Variants in PCSK6 observed in about 807,000 individuals in gnomAD.
PCSK6 encodes proprotein convertase subtilisin/kexin type 6.
Under a neutral mutation model 123.3 loss-of-function variants are expected in PCSK6, and 85 were observed. That is an observed-to-expected ratio of 0.69 (90% CI 0.58 to 0.83). PCSK6 has a LOEUF of 0.83. PCSK6 is among the 40% of genes least tolerant of loss of function. The pLI, the probability that PCSK6 is intolerant of heterozygous loss-of-function variation, is 0.00. For synonymous variants in PCSK6, 508 were observed against 516.0 expected (o/e 0.98, Z 0.21); for missense variants, 1,191 against 1,282.3 (o/e 0.93, Z 1.09).
intron 6 of PCSK6, among the ~76,000 whole-genome samples, chr15:101,423,191 A>G (rs952203941): frequency 1.3e-5 from 2 of 152,186 alleles, no homozygotes; most frequent in African/African-American, 4.8e-5. Context: ...ATGGAGACAC[A>G]TGAGGGATTC....
chr15:101,459,449 CCT>C (rs2057279314), intron 1 of PCSK6, among the ~76,000 whole-genome samples: 1 of 129,876 alleles, frequency 7.7e-6, no homozygotes. Flanking sequence ...GTCCACATCA[CCT>C]GCTGCCACCA....
intron 1 of PCSK6, among the ~76,000 whole-genome samples, chr15:101,475,710 C>T (rs1264651830): frequency 7.0e-6 from 1 of 143,182 alleles, no homozygotes; most frequent in African/African-American, 2.6e-5. Flanking sequence ...AGGCTGGTCT[C>T]GAACTCCTGG....
chr15:101,469,971 AAT>A (rs2057565488), intron 1 of PCSK6, among the ~76,000 whole-genome samples: 1 of 152,180 alleles, frequency 6.6e-6, no homozygotes, highest in African/African-American at 2.4e-5. Flanking sequence ...TGATGATATC[AAT>A]ATGACTGGCA....
At chr15:101,412,812 A>G (rs2055743188) in intron 6 of PCSK6, among the ~76,000 whole-genome samples, 1 of 151,720 alleles carries the variant, frequency 6.6e-6, no homozygotes, top group African/African-American at 2.4e-5. Flanking sequence ...ACTTCATGTC[A>G]CTAGAGTGGA....
Position 101,362,128 on chromosome 15 carries a change from T to A in PCSK6, c.1858+4068A>T, listed in dbSNP as rs2041244700. On this transcript the variant is annotated intron_variant, in intron 13 of 21. Coordinates refer to ENST00000611716, the MANE Select transcript of PCSK6 (RefSeq NM_002570.5). Reference sequence around the variant, plus strand: ...CCCGCCACCATGCCTGGTTAACTTTTTGTATTGTTAGTAGAGATGGGGTTT... The same window carrying A: ...CCCGCCACCATGCCTGGTTAACTTTATGTATTGTTAGTAGAGATGGGGTTT... Among the ~76,000 whole-genome samples the A allele has an allele frequency of 2.6e-5, 4 of 151,964 alleles. No individual in the cohort carries two copies. In the South Asian group the frequency reaches 8.3e-4, roughly 32 times the overall value.
chr15:101,365,699 T>A (rs138895970), intron 13 of PCSK6: 2 of 153,490 alleles, frequency 1.3e-5, no homozygotes, highest in Non-Finnish European at 2.9e-5. Context: ...ATGTGATCAA[T>A]CCGTACAATG....
chr15:101,427,006 GC>G (rs756038922), intron 6 of PCSK6, among the ~76,000 whole-genome samples: 45 of 152,208 alleles, frequency 3.0e-4, no homozygotes, highest in Non-Finnish European at 4.7e-4. Flanking sequence ...CCTCTCTGCT[GC>G]CCCCACTTGC....
chr15:101,489,437 CACTTGCACCGCCCAGT>C lies in PCSK6; in HGVS notation c.218_233del (p.His73ArgfsTer43). The C allele has an allele frequency of 1.6e-6, 2 of 1,255,966 alleles. No individual in the cohort carries two copies. The highest frequency in any genetic ancestry group is 2.0e-6 in the Non-Finnish European group (2 of 988,448). The allele number at this position is 1,255,966 out of a possible 1,614,324, so 77.8% of individuals were successfully genotyped here. On this transcript the variant is annotated frameshift_variant, in exon 1 of 22. Transcript: ENST00000611716. LOFTEE classifies it high-confidence loss of function. Reference sequence around the variant, plus strand: ...GGTCCGCCTCGGCCGGGCCGCCCAGCACTTGCACCGCCCAGTGGTTGGTGTAGACGGGGCGCGGCGG... The same window carrying C: ...GGTCCGCCTCGGCCGGGCCGCCCAGCGGTTGGTGTAGACGGGGCGCGGCGG...
chr15:101,404,456 G>A (rs1293706139), intron 6 of PCSK6, among the ~76,000 whole-genome samples: 1 of 152,158 alleles, frequency 6.6e-6, no homozygotes, highest in Non-Finnish European at 1.5e-5. Context: ...AGGGACACTG[G>A]GCCCAAGTGT....
chr15:101,371,153 G>C (rs2041575315), intron 11 of PCSK6, among the ~76,000 whole-genome samples: 1 of 152,172 alleles, frequency 6.6e-6, no homozygotes, highest in Non-Finnish European at 1.5e-5. Flanking sequence ...GTTGCAGCGA[G>C]CCGAGGTCGC....
chr15:101,458,513 G>C (rs1324808028), intron 1 of PCSK6, among the ~76,000 whole-genome samples: 3 of 152,064 alleles, frequency 2.0e-5, no homozygotes, highest in Non-Finnish European at 4.4e-5. Context: ...CTCCAGCAAG[G>C]CTCCTGACTG....
intron 20 of PCSK6, chr15:101,307,620 A>G: frequency 2.9e-6 from 1 of 339,184 alleles, no homozygotes; most frequent in Non-Finnish European, 5.6e-6. Context: ...TCACCTGGAC[A>G]CCCTCCTGGG....
At chr15:101,437,316 C>T (rs1450847803) in intron 2 of PCSK6, among the ~76,000 whole-genome samples, 6 of 152,250 alleles carry the variant, frequency 3.9e-5, no homozygotes, top group Non-Finnish European at 8.8e-5. Context: ...CCCAGGCCCA[C>T]CTCCGGCGCA....
At chr15:101,377,670 A>C (rs28539689) in intron 11 of PCSK6, among the ~76,000 whole-genome samples, 2,287 of 152,374 alleles carry the variant, frequency 0.015, 72 homozygotes, top group African/African-American at 0.052. Flanking sequence ...CGCCATACGC[A>C]GTCTAGTTTC....
intron 6 of PCSK6, among the ~76,000 whole-genome samples, chr15:101,421,075 T>C (rs1198298285): frequency 6.6e-6 from 1 of 152,342 alleles, no homozygotes; most frequent in East Asian, 1.9e-4. Flanking sequence ...GCCTCCCAAG[T>C]AGCTGGGACT....
At chr15:101,470,940 C>T (rs1042420181) in intron 1 of PCSK6, among the ~76,000 whole-genome samples, 1 of 152,216 alleles carries the variant, frequency 6.6e-6, no homozygotes, top group Non-Finnish European at 1.5e-5. Flanking sequence ...AGAAACACTG[C>T]GGAGCAAGAC....
intron 13 of PCSK6, 38 bp downstream of exon 13, chr15:101,366,158 A>G: frequency 6.3e-7 from 1 of 1,587,322 alleles, no homozygotes; most frequent in East Asian, 2.3e-5. Flanking sequence ...GAGGCTTGAG[A>G]TACAAAAGCT....
At chr15:101,331,511 G>T in intron 15 of PCSK6, 140 bp downstream of exon 15, 3 of 737,286 alleles carry the variant, frequency 4.1e-6, no homozygotes, top group Non-Finnish European at 7.3e-6. Flanking sequence ...TGAGCTGTGA[G>T]ATGGGGGCCT....
intron 9 of PCSK6, among the ~76,000 whole-genome samples, chr15:101,386,783 T>C (rs1195902828): frequency 2.0e-5 from 3 of 152,260 alleles, no homozygotes; most frequent in African/African-American, 7.2e-5. Context: ...TTGTGAACCA[T>C]GCTGCCATGA....
Sources: allele counts gnomAD v4.1 joint callset (sites outside exome capture counted in the v4.1 genomes callset), GRCh38; gene constraint gnomAD v4.1.1; transcripts MANE v1.5; gene names NCBI Gene and HGNC (gene_info 2026-07-23, HGNC 2026-07-21).